CACNB4: variants seen among roughly 807,000 people sequenced by gnomAD.
The protein encoded by CACNB4 is calcium voltage-gated channel auxiliary subunit beta 4.
Under a neutral mutation model 71.2 loss-of-function variants are expected in CACNB4, and 32 were observed. That is an observed-to-expected ratio of 0.45 (90% CI 0.34 to 0.60). CACNB4 has a LOEUF of 0.60. Ranked by LOEUF, CACNB4 falls within the 20% of genes least tolerant of loss-of-function variation. CACNB4 has a pLI of 0.01. For synonymous variants in CACNB4, 231 were observed against 236.9 expected (o/e 0.97, Z 0.23); for missense variants, 464 against 647.9 (o/e 0.72, Z 3.08).
chr2:151,859,107 T>C (rs1328635050), intron 10 of CACNB4: 1 of 152,216 alleles, frequency 6.6e-6, no homozygotes, highest in Non-Finnish European at 1.5e-5. Context: ...ATGGATCACA[T>C]TGTGGTTATT....
chr2:151,989,464 A>G (rs555387103), intron 2 of CACNB4, among the ~76,000 whole-genome samples: 3 of 152,212 alleles, frequency 2.0e-5, no homozygotes, highest in African/African-American at 7.2e-5. Flanking sequence ...GACCTCTGAC[A>G]CTATTGACCT....
chr2:151,942,015 C>T (rs561675572), intron 2 of CACNB4, among the ~76,000 whole-genome samples: 5 of 152,318 alleles, frequency 3.3e-5, no homozygotes, highest in South Asian at 2.1e-4. Context: ...GATTTCAATG[C>T]TCTTCTTTTC....
intron 2 of CACNB4, among the ~76,000 whole-genome samples, chr2:151,902,313 G>A (rs2099853663): frequency 2.6e-5 from 4 of 152,200 alleles, no homozygotes; most frequent in Admixed American, 2.6e-4. Context: ...TTACAGGAAT[G>A]AGCCAGTGCA....
chr2:152,057,338 C>A (rs1685779767), intron 2 of CACNB4, among the ~76,000 whole-genome samples: 1 of 152,144 alleles, frequency 6.6e-6, no homozygotes, highest in Admixed American at 6.5e-5. Flanking sequence ...ACAGGTGATA[C>A]AGAAGACACA....
intron 2 of CACNB4, among the ~76,000 whole-genome samples, chr2:151,906,422 C>T (rs1034079419): frequency 6.6e-6 from 1 of 152,154 alleles, no homozygotes; most frequent in African/African-American, 2.4e-5. Context: ...CCTATATAAA[C>T]TTTAAAAATA....
chr2:152,076,317 GT>G (rs5835407), intron 2 of CACNB4, among the ~76,000 whole-genome samples: 61,067 of 122,318 alleles, frequency 0.5, 14,224 homozygotes, highest in East Asian at 0.78. Context: ...AATTTTTTGG[GT>G]TTTTTTTTTT....
chr2:151,949,295 G>T (rs1477024663), intron 2 of CACNB4, among the ~76,000 whole-genome samples: 1 of 151,990 alleles, frequency 6.6e-6, no homozygotes, highest in Non-Finnish European at 1.5e-5. Context: ...AAGGCTGCAG[G>T]TATTTCAGAC....
intron 2 of CACNB4, among the ~76,000 whole-genome samples, chr2:152,050,924 G>A (rs917645011): frequency 1.3e-5 from 2 of 151,904 alleles, no homozygotes; most frequent in Non-Finnish European, 1.5e-5. Context: ...ACAGGTGCAC[G>A]TCACCACATC....
At chr2:151,840,117 T>G (rs2099835794) in intron 13 of CACNB4, among the ~76,000 whole-genome samples, 1 of 152,224 alleles carries the variant, frequency 6.6e-6, no homozygotes, top group South Asian at 2.1e-4. Flanking sequence ...TTCTCCACTA[T>G]GAGAAAACAT....
chr2:152,095,933 G>GT (rs1437087759), intron 2 of CACNB4, among the ~76,000 whole-genome samples: 30 of 152,282 alleles, frequency 2.0e-4, no homozygotes, highest in African/African-American at 6.7e-4. Context: ...GATTACAGGC[G>GT]TGAGCCACTG....
chr2:151,985,942 A>C (rs1447079777), intron 2 of CACNB4, among the ~76,000 whole-genome samples: 2 of 152,188 alleles, frequency 1.3e-5, no homozygotes, highest in Non-Finnish European at 2.9e-5. Flanking sequence ...CAAGCTCAGT[A>C]AAGGTTCTAG....
chr2:152,092,442 T>C (rs1221692265), intron 2 of CACNB4, among the ~76,000 whole-genome samples: 1 of 152,248 alleles, frequency 6.6e-6, no homozygotes. Context: ...TTTAGATCTC[T>C]AAATACAGTG....
At chr2:152,075,473 T>C (rs11678763) in intron 2 of CACNB4, among the ~76,000 whole-genome samples, 12,769 of 152,202 alleles carry the variant, frequency 0.084, 1,112 homozygotes, top group African/African-American at 0.22. Context: ...CTGTGACATA[T>C]ATGCAATCAT....
At chr2:152,044,968 G>A (rs1685076491) in intron 2 of CACNB4, among the ~76,000 whole-genome samples, 2 of 152,172 alleles carry the variant, frequency 1.3e-5, no homozygotes, top group Non-Finnish European at 2.9e-5. Context: ...GAGACGGTGG[G>A]GGGTTGGTGG....
chr2:152,069,163 C>T (rs986024757), intron 2 of CACNB4, among the ~76,000 whole-genome samples: 2 of 152,198 alleles, frequency 1.3e-5, no homozygotes, highest in African/African-American at 4.8e-5. Context: ...TTTCATGGGG[C>T]TTCACAGAGA....
At chr2:152,046,954 A>G (rs1171118651) in intron 2 of CACNB4, among the ~76,000 whole-genome samples, 1 of 152,184 alleles carries the variant, frequency 6.6e-6, no homozygotes, top group African/African-American at 2.4e-5. Flanking sequence ...TCTTCACCTC[A>G]ACATTATTGA....
chr2:151,946,329 C>CAAA (rs553499003), intron 2 of CACNB4, among the ~76,000 whole-genome samples: 1 of 132,554 alleles, frequency 7.5e-6, no homozygotes, highest in South Asian at 2.4e-4. Flanking sequence ...AACTCTGTCG[C>CAAA]AAAAAAAAAA....
chr2:151,878,236 G>A (rs1024413498), intron 4 of CACNB4, among the ~76,000 whole-genome samples: 26 of 151,990 alleles, frequency 1.7e-4, no homozygotes, highest in African/African-American at 6.0e-4. Flanking sequence ...GATACATTAT[G>A]AAGGAGGAAT....
In CACNB4 at chr2:152,098,681, TC is replaced by T. The variant is rs1481394859; in HGVS notation, c.63+267del. ...AGACTCTCAGGGTGCGGGGTCCGAGTCCCCGGCATCCGCTGGGGGAGGCTGC... is the reference window on the plus strand; with the variant it reads ...AGACTCTCAGGGTGCGGGGTCCGAGTCCCGGCATCCGCTGGGGGAGGCTGC... On this transcript the variant is annotated intron_variant, in intron 1 of 13. Coordinates refer to ENST00000539935, the MANE Select transcript of CACNB4 (RefSeq NM_000726.5). The surrounding 1 kb of genome is among the most constrained non-coding windows in gnomAD (Gnocchi z 5.3). 4 of 1,563,588 alleles carry T rather than the reference TC, an allele frequency of 2.6e-6. No individual in the cohort carries two copies. The highest frequency in any genetic ancestry group is 3.5e-6 in the Non-Finnish European group (4 of 1,154,894).
Sources: allele counts gnomAD v4.1 joint callset (sites outside exome capture counted in the v4.1 genomes callset), GRCh38; gene constraint gnomAD v4.1.1; non-coding constraint Gnocchi (gnomAD v3.1); transcripts MANE v1.5; gene names NCBI Gene and HGNC (gene_info 2026-07-23, HGNC 2026-07-21).